Variants in VARS2 observed in about 807,000 individuals in gnomAD.
VARS2 encodes valyl-tRNA synthetase 2, mitochondrial.
Under a neutral mutation model 154.1 loss-of-function variants are expected in VARS2, and 105 were observed. The observed-to-expected ratio is 0.68, with a 90% confidence interval of 0.58 to 0.80. The LOEUF (loss-of-function observed/expected upper bound fraction) is 0.80. VARS2 is among the 30% of genes least tolerant of loss of function. The probability of loss-of-function intolerance (pLI) is 0.00; values close to 1 mark genes in which losing one functional copy is unlikely to be tolerated. For missense variants in VARS2, 1,157 were observed against 1,361.4 expected, an observed-to-expected ratio of 0.85 and a Z score of 2.36; for synonymous variants, 483 against 539.5, an observed-to-expected ratio of 0.90 and a Z score of 1.45.
rs1264301 is a variant in VARS2 at position 30,915,004 on chromosome 6, G to C, written c.168G>C (p.Ala56=). The C allele has an allele frequency of 1.3e-5, 21 of 1,613,134 alleles. No individual in the cohort carries two copies. Among genetic ancestry groups the C allele is most frequent in the Non-Finnish European group, 1.6e-5 (19 of 1,179,986 alleles). Residue 56 remains alanine (A), a synonymous_variant, in exon 2 of 30, where the codon GCG becomes GCC. Coordinates refer to ENST00000676266, the MANE Select transcript of VARS2 (RefSeq NM_020442.6). ...AGAAGCGCCTGCGAGAGAAGCAGGCGACTCTGGAGGCTGAGATAGCAGGGG... is the reference window on the plus strand; with the variant it reads ...AGAAGCGCCTGCGAGAGAAGCAGGCCACTCTGGAGGCTGAGATAGCAGGGG... The part of the protein sequence containing the change: ...AKQKRLREKQ[A]TLEAEIAGES...
chr6:30,917,742 C>T lies in VARS2; in HGVS notation c.921C>T (p.Gly307=), dbSNP rs1271797427. Residue 307 remains glycine (G), a synonymous_variant, in exon 10 of 30, where the codon GGC becomes GGT. Transcript: ENST00000676266. The surrounding 1 kb of genome is among the most constrained non-coding windows in gnomAD (Gnocchi z 4.4). ...GCCACACACAGCTTCGACTGCCTGG[C>T]TGCCCCACCCCCGTGTCTTTTGGCC... ...LPGHTQLRLP[G]CPTPVSFGLL... 1.2e-5 allele frequency: 19 copies of T among 1,568,474 alleles called. No individual in the cohort carries two copies. Among genetic ancestry groups the T allele is most frequent in the Non-Finnish European group, 1.6e-5 (19 of 1,156,214 alleles).
In VARS2 at chr6:30,919,223, A is replaced by G. The variant is rs1794356400; in HGVS notation, c.1074+308A>G. 7.4e-6 allele frequency: 2 copies of G among 268,722 alleles called. No homozygotes were observed. Among genetic ancestry groups the G allele is most frequent in the Non-Finnish European group, 1.4e-5 (2 of 143,004 alleles). The allele number at this position is 268,722 out of a possible 1,614,324, so 16.6% of individuals were successfully genotyped here. ...AACCTCCACCTCCTGGGTTCAAGCA[A>G]TTCTCCTGCCTCAGCCTCCTGAGTA... is the stretch of plus-strand genomic sequence containing the variant. On this transcript the variant is annotated intron_variant, in intron 11 of 29. Coordinates refer to ENST00000676266, the MANE Select transcript of VARS2 (RefSeq NM_020442.6). The surrounding 1 kb of genome is among the most constrained non-coding windows in gnomAD (Gnocchi z 4.5).
chr6:30,925,228 T>C (rs1794758206), intron 26 of VARS2, 46 bp from the exon 27 acceptor site: 2 of 1,487,870 alleles, frequency 1.3e-6, no homozygotes, highest in Non-Finnish European at 1.8e-6. Flanking sequence ...TGGTACTGAG[T>C]CTCCCAGGAG....
chr6:30,922,277 C>A, intron 20 of VARS2, 36 bp downstream of exon 20: 1 of 1,600,808 alleles, frequency 6.2e-7, no homozygotes, highest in Non-Finnish European at 8.5e-7. Context: ...CTTTCTGTGA[C>A]TCCAGTGTTC....
rs1276446892 is a variant in VARS2, at chr6:30,921,135, A to G, written c.1550A>G (p.His517Arg). Residue 517 changes from histidine to arginine, a missense_variant, in exon 16 of 30, where the codon CAT (histidine) becomes CGT (arginine). Coordinates refer to ENST00000676266, the MANE Select transcript of VARS2 (RefSeq NM_020442.6). The surrounding 1 kb of genome is among the most constrained non-coding windows in gnomAD (Gnocchi z 4.6). ...HQKNWQHWFSHIGDWCVSRQL... is the reference protein window; with the variant it reads ...HQKNWQHWFSRIGDWCVSRQL... ...AAGAACTGGCAGCACTGGTTTTCCC[A>G]TATTGGGTAAGGGTAGGGTAAGGGG... 1 of 1,613,866 alleles carries G rather than the reference A, an allele frequency of 6.2e-7. No individual in the cohort carries two copies. Among genetic ancestry groups the G allele is most frequent in the Non-Finnish European group, 8.5e-7 (1 of 1,179,906 alleles).
chr6:30,925,987 A>G lies in VARS2; in HGVS notation c.3069A>G (p.Ala1023=), dbSNP rs774096105. Residue 1023 remains alanine, a synonymous_variant, in exon 29 of 30, where the codon GCA becomes GCG. Coordinates refer to ENST00000676266, the MANE Select transcript of VARS2 (RefSeq NM_020442.6). ...LTARTPSEGE[A]GTQRQQKLSS... ...CCAGGACCCCATCAGAAGGGGAGGC[A>G]GGGACTCAGAGGCAACAAAAGGTAA... 5.3e-5 allele frequency: 85 copies of G among 1,612,972 alleles called. No individual in the cohort carries two copies. The highest frequency in any genetic ancestry group is 6.4e-5 in the Non-Finnish European group (76 of 1,180,024).
chr6:30,921,523 C>T lies in VARS2; in HGVS notation c.1633-66C>T. ...CTAAGACCACATGAGGACGTGAAAA[C>T]CAAGTGACATTTACACCTGTCAGCT... On this transcript the variant is annotated intron_variant, in intron 17 of 29. Transcript: ENST00000676266. This position sits in a 1 kb window ranked among gnomAD's most constrained non-coding sequence, Gnocchi z 4.6. 1 of 1,546,956 alleles carries T rather than the reference C, an allele frequency of 6.5e-7. No individual in the cohort carries two copies. The highest frequency in any genetic ancestry group is 8.8e-7 in the Non-Finnish European group (1 of 1,140,156).
In VARS2 at chr6:30,919,946, A is replaced by T; in HGVS notation, c.1165+98A>T. 1 of 1,475,920 alleles carries T rather than the reference A, an allele frequency of 6.8e-7. No homozygotes were observed. Among genetic ancestry groups the T allele is most frequent in the African/African-American group, 1.4e-5 (1 of 71,108 alleles). The allele number at this position is 1,475,920 out of a possible 1,614,324, so 91.4% of individuals were successfully genotyped here. A position where few individuals can be genotyped will look rare whatever the true frequency, so the allele number is the denominator to read the frequency against. On this transcript the variant is annotated intron_variant, in intron 12 of 29. Transcript: ENST00000676266. This position sits in a 1 kb window ranked among gnomAD's most constrained non-coding sequence, Gnocchi z 4.5. The stretch of plus-strand genomic sequence containing the variant: ...GAAGGTGGGAGTGGGAGATCCTCAT[A>T]TAGGGTGGTCTGAGTGGGGAATGGG...
chr6:30,914,330 C>A lies in VARS2; in HGVS notation c.-42C>A. 1 of 1,204,182 alleles carries A rather than the reference C, an allele frequency of 8.3e-7. No homozygotes were observed. The highest frequency in any genetic ancestry group is 1.0e-6 in the Non-Finnish European group (1 of 958,380). The allele number at this position is 1,204,182 out of a possible 1,614,324, so 74.6% of individuals were successfully genotyped here. A position where few individuals can be genotyped will look rare whatever the true frequency, so the allele number is the denominator to read the frequency against. On this transcript the variant is annotated 5_prime_UTR_variant, in exon 1 of 30. Coordinates refer to ENST00000676266, the MANE Select transcript of VARS2 (RefSeq NM_020442.6). ...GCCGCCGCGGGGCGCCCTGGGATAG[C>A]GGCGGGGCCTCCTGGTGAGCGCGCG...
rs1794235506 is a variant in VARS2, at chr6:30,917,230, G to T, written c.873+6G>T. On this transcript the variant is annotated splice_donor_region_variant and intron_variant, in intron 9 of 29. Transcript: ENST00000676266. The surrounding 1 kb of genome is among the most constrained non-coding windows in gnomAD (Gnocchi z 4.4). ...CAGCCATCTCGGACATTGAGGTGAG[G>T]CGGAGAGAGGGAAGCAGGTTTGTGA... 1 of 1,613,998 alleles carries T rather than the reference G, an allele frequency of 6.2e-7. No homozygotes were observed. The highest frequency in any genetic ancestry group is 1.3e-5 in the African/African-American group (1 of 74,926).
In VARS2 at chr6:30,919,742, T is replaced by C. The variant is rs965590337; in HGVS notation, c.1075-16T>C. 1.9e-6 allele frequency: 3 copies of C among 1,543,484 alleles called. No homozygotes were observed. Among genetic ancestry groups the C allele is most frequent in the Admixed American group, 3.8e-5 (2 of 52,534 alleles). On this transcript the variant is annotated splice_polypyrimidine_tract_variant and intron_variant, in intron 11 of 29. Transcript: ENST00000676266. The surrounding 1 kb of genome is among the most constrained non-coding windows in gnomAD (Gnocchi z 4.5). ...CTCACAGGTGCCTGTCCTTGATCCC[T>C]CTCCCTTCCCTTCAGCATCTACACG...
chr6:30,921,204 A>G lies in VARS2; in HGVS notation c.1557-26A>G, dbSNP rs1009988757. On this transcript the variant is annotated intron_variant, in intron 16 of 29. Transcript: ENST00000676266. The surrounding 1 kb of genome is among the most constrained non-coding windows in gnomAD (Gnocchi z 4.6). ...GAGGGGGGACTGACTGGTTATTCTAAGACTTCACGAATGTCCTCCCGGCAG... is the reference window on the plus strand; with the variant it reads ...GAGGGGGGACTGACTGGTTATTCTAGGACTTCACGAATGTCCTCCCGGCAG... The G allele has an allele frequency of 1.2e-6, 2 of 1,614,004 alleles. No individual in the cohort carries two copies. The highest frequency in any genetic ancestry group is 1.7e-6 in the Non-Finnish European group (2 of 1,179,968).
At chr6:30,925,505 G>A (rs1794780067) in intron 27 of VARS2, 39 bp from the exon 28 acceptor site, 1 of 1,557,964 alleles carries the variant, frequency 6.4e-7, no homozygotes, top group Non-Finnish European at 8.7e-7. Context: ...AGGGAGGCAG[G>A]AGCTGAGGCC....
Position 30,917,734 on chromosome 6 carries a change from C to G in VARS2, c.913C>G (p.Leu305Val). 9 of 1,567,966 alleles carry G rather than the reference C, an allele frequency of 5.7e-6. No individual in the cohort carries two copies. Among genetic ancestry groups the G allele is most frequent in the Non-Finnish European group, 7.8e-6 (9 of 1,155,922 alleles). The change falls in exon 10 of 30, where the codon CTG (leucine) becomes GTG (valine). Residue 305 changes from leucine (L) to valine (V), a missense_variant. Leu to Val is a conservative substitution (Grantham distance 32). Transcript: ENST00000676266. This position sits in a 1 kb window ranked among gnomAD's most constrained non-coding sequence, Gnocchi z 4.4. ...RPLPGHTQLR[L>V]PGCPTPVSFG... ...CCTGCCTGGCCACACACAGCTTCGA[C>G]TGCCTGGCTGCCCCACCCCCGTGTC...
chr6:30,917,390 C>T lies in VARS2; in HGVS notation c.873+166C>T, dbSNP rs977444014. Among the ~76,000 whole-genome samples the T allele has an allele frequency of 6.6e-6, 1 of 152,210 alleles. No homozygotes were observed. Among genetic ancestry groups the T allele is most frequent in the African/African-American group, 2.4e-5 (1 of 41,440 alleles). On this transcript the variant is annotated intron_variant, in intron 9 of 29. Coordinates refer to ENST00000676266, the MANE Select transcript of VARS2 (RefSeq NM_020442.6). The surrounding 1 kb of genome is among the most constrained non-coding windows in gnomAD (Gnocchi z 4.4). The stretch of plus-strand genomic sequence containing the variant: ...GTTTAGTCTCTTTAAGCCTCAGCTT[C>T]CTCAGTCTGTAAATTAGAGATGATG...
At position 30,921,466 on chromosome 6, in the gene VARS2, C is replaced by G; in HGVS notation, c.1633-123C>G. The G allele has an allele frequency of 7.0e-7, 1 of 1,427,012 alleles. No homozygotes were observed. The highest frequency in any genetic ancestry group is 9.7e-7 in the Non-Finnish European group (1 of 1,035,374). 88.4% of individuals were successfully genotyped at this position (1,427,012 alleles called of 1,614,324 possible). A position where few individuals can be genotyped will look rare whatever the true frequency, so the allele number is the denominator to read the frequency against. ...ATCAAGGCTCCCTGAAGTGGCATTT[C>G]TTTATCTCACCCCTGGGGGAACCTG... On this transcript the variant is annotated intron_variant, in intron 17 of 29. Transcript: ENST00000676266. The surrounding 1 kb of genome is among the most constrained non-coding windows in gnomAD (Gnocchi z 4.6).
In VARS2 at chr6:30,919,034, C is replaced by T. The variant is rs1464794987; in HGVS notation, c.1074+119C>T. 1.4e-5 allele frequency: 13 copies of T among 927,820 alleles called. No homozygotes were observed. Among genetic ancestry groups the T allele is most frequent in the African/African-American group, 1.7e-5 (1 of 60,406 alleles). The allele number at this position is 927,820 out of a possible 1,614,324, so 57.5% of individuals were successfully genotyped here. Reference sequence around the variant, plus strand: ...TACTTCCTTTTCCTGAGACTTCTCTCAGTGGTTCTGATTGGACTCCCTCCT... The same window carrying T: ...TACTTCCTTTTCCTGAGACTTCTCTTAGTGGTTCTGATTGGACTCCCTCCT... On this transcript the variant is annotated intron_variant, in intron 11 of 29. Coordinates refer to ENST00000676266, the MANE Select transcript of VARS2 (RefSeq NM_020442.6). This position sits in a 1 kb window ranked among gnomAD's most constrained non-coding sequence, Gnocchi z 4.5.
chr6:30,923,197 T>G lies in VARS2; in HGVS notation c.2279T>G (p.Leu760Ter). 7 of 1,613,084 alleles carry G rather than the reference T, an allele frequency of 4.3e-6. No individual in the cohort carries two copies. The highest frequency in any genetic ancestry group is 5.9e-6 in the Non-Finnish European group (7 of 1,180,026). The change falls in exon 24 of 30, where the codon TTA (leucine) becomes TGA (stop). Residue 760 changes from leucine (L) to a stop codon, truncating the protein, a stop_gained. Coordinates refer to ENST00000676266, the MANE Select transcript of VARS2 (RefSeq NM_020442.6). LOFTEE classifies it high-confidence loss of function. ...GCTCTTCGCTTTATCCTCAATGCTT[T>G]AGGGGAGAAATTTGTGCCACAGCCT... ...WNALRFILNA[L>*]GEKFVPQPAE...
In VARS2 at chr6:30,922,720, G is replaced by A; in HGVS notation, c.2052G>A (p.Lys684=). The A allele has an allele frequency of 1.9e-6, 3 of 1,612,778 alleles. No homozygotes were observed. The highest frequency in any genetic ancestry group is 2.5e-6 in the Non-Finnish European group (3 of 1,179,900). ...TCCATCCCCAGGTGCTGCAGGAAAA[G>A]CTGAGAAGCGGAAATTTGGACCCTG... ...SGVEMQVLQE[K]LRSGNLDPAE... is the part of the protein sequence containing the mutation. Residue 684 remains lysine (K), a synonymous_variant, in exon 22 of 30, where the codon AAG becomes AAA. Transcript: ENST00000676266.
Sources: gnomAD v4.1 joint callset for allele counts (sites outside exome capture counted in the v4.1 genomes callset) on GRCh38, gnomAD v4.1.1 for gene constraint, Gnocchi (gnomAD v3.1) non-coding constraint, MANE v1.5 for transcripts, NCBI Gene and HGNC (gene_info 2026-07-23, HGNC 2026-07-21) for gene names.